The following BANK1 variants were observed in gnomAD, a reference collection of about 807,000 sequenced individuals.
BANK1 encodes B-cell scaffold protein with ankyrin repeats.
Under a neutral mutation model 94.5 loss-of-function variants are expected in BANK1, and 95 were observed. That is an observed-to-expected ratio of 1.00 (90% CI 0.85 to 1.19). The LOEUF (loss-of-function observed/expected upper bound fraction) is 1.19, where lower values mean the gene tolerates loss of function less well. BANK1 is among the 50% of genes most tolerant of loss of function. BANK1 has a pLI of 0.00. For missense variants in BANK1, 987 were observed against 932.2 expected (o/e 1.06, Z -0.77); for synonymous variants, 334 against 308.4 (o/e 1.08, Z -0.87).
chr4:101,880,793 G>A (rs1338188003), intron 5 of BANK1, among the ~76,000 whole-genome samples: 5 of 152,026 alleles, frequency 3.3e-5, no homozygotes, highest in African/African-American at 4.8e-5. Flanking sequence ...ACTCATTTTC[G>A]ACAAAGGTGT....
intron 11 of BANK1, among the ~76,000 whole-genome samples, chr4:102,052,914 A>G (rs1375161088): frequency 6.6e-6 from 1 of 152,226 alleles, no homozygotes; most frequent in African/African-American, 2.4e-5. Context: ...ATTTTAGATG[A>G]GATACCAGAA....
At chr4:101,885,472 C>G (rs1728818554) in intron 5 of BANK1, among the ~76,000 whole-genome samples, 1 of 152,200 alleles carries the variant, frequency 6.6e-6, no homozygotes, top group Non-Finnish European at 1.5e-5. Context: ...CTCTATCTAA[C>G]TGAAGTACTT....
chr4:102,026,250 T>C (rs746248454), intron 9 of BANK1, among the ~76,000 whole-genome samples: 3 of 152,172 alleles, frequency 2.0e-5, no homozygotes, highest in Non-Finnish European at 4.4e-5. Context: ...AACTCCCAGC[T>C]CCAGGCTCAC....
At chr4:102,034,943 TC>T (rs1285562787) in intron 10 of BANK1, among the ~76,000 whole-genome samples, 1 of 152,128 alleles carries the variant, frequency 6.6e-6, no homozygotes, top group Non-Finnish European at 1.5e-5. Context: ...ACCTATAAGA[TC>T]CATGAAGGAA....
At chr4:101,812,687 G>C (rs1725766636) in intron 1 of BANK1, among the ~76,000 whole-genome samples, 1 of 151,810 alleles carries the variant, frequency 6.6e-6, no homozygotes, top group Non-Finnish European at 1.5e-5. Flanking sequence ...TCATTTTTTA[G>C]AGGTTCACAT....
chr4:101,945,345 G>A (rs1330869579), intron 7 of BANK1, among the ~76,000 whole-genome samples: 1 of 151,780 alleles, frequency 6.6e-6, no homozygotes, highest in African/African-American at 2.4e-5. Flanking sequence ...TGTCTTTGGA[G>A]CATGAGGGGC....
intron 7 of BANK1, among the ~76,000 whole-genome samples, chr4:102,009,115 C>G (rs746127641): frequency 6.6e-6 from 1 of 152,170 alleles, no homozygotes; most frequent in Non-Finnish European, 1.5e-5. Flanking sequence ...TGAGAGTAGG[C>G]CTTCTGTTGT....
intron 4 of BANK1, 125 bp downstream of exon 4, chr4:101,862,789 G>A (rs1727929560): frequency 1.0e-6 from 1 of 990,244 alleles, no homozygotes; most frequent in Admixed American, 3.7e-5. Context: ...CCTGTGTTTA[G>A]TTTTCACATA....
chr4:101,971,754 T>C (rs1724962037), intron 7 of BANK1, among the ~76,000 whole-genome samples: 1 of 152,168 alleles, frequency 6.6e-6, no homozygotes, highest in African/African-American at 2.4e-5. Flanking sequence ...TCTTTTCCCA[T>C]TATGTATTCT....
chr4:101,997,115 GT>G (rs1382015419), intron 7 of BANK1, among the ~76,000 whole-genome samples: 1 of 152,000 alleles, frequency 6.6e-6, no homozygotes, highest in Non-Finnish European at 1.5e-5. Context: ...TCAATACCTA[GT>G]TTTTTGAGAG....
chr4:101,919,024 T>G (rs1722917920), intron 7 of BANK1, among the ~76,000 whole-genome samples: 1 of 151,948 alleles, frequency 6.6e-6, no homozygotes, highest in Non-Finnish European at 1.5e-5. Flanking sequence ...GGAAGGATTT[T>G]AGACAGTGAT....
At chr4:101,796,058 T>C (rs1725145486) in intron 1 of BANK1, among the ~76,000 whole-genome samples, 1 of 152,194 alleles carries the variant, frequency 6.6e-6, no homozygotes, top group Admixed American at 6.5e-5. Context: ...CAGTAGAAGA[T>C]TGATGAAAGA....
intron 7 of BANK1, among the ~76,000 whole-genome samples, chr4:102,002,220 G>A (rs1438341358): frequency 6.6e-6 from 1 of 152,136 alleles, no homozygotes; most frequent in South Asian, 2.1e-4. Context: ...TCACACGTAT[G>A]ATCTTATTGG....
intron 7 of BANK1, among the ~76,000 whole-genome samples, chr4:101,948,718 A>G (rs1374496141): frequency 6.6e-6 from 1 of 152,094 alleles, no homozygotes; most frequent in African/African-American, 2.4e-5. Flanking sequence ...AGACCTTTAA[A>G]TTAATCCCTA....
intron 5 of BANK1, among the ~76,000 whole-genome samples, chr4:101,891,649 AG>A (rs1359441652): frequency 1.3e-5 from 2 of 152,078 alleles, no homozygotes; most frequent in Non-Finnish European, 2.9e-5. Context: ...TAGTCTTAAA[AG>A]TGCTTGAAAC....
At chr4:101,827,212 T>C (rs943994779) in intron 1 of BANK1, among the ~76,000 whole-genome samples, 1 of 151,932 alleles carries the variant, frequency 6.6e-6, no homozygotes, top group African/African-American at 2.4e-5. Flanking sequence ...ATGATAGAAT[T>C]ATTTTAGGTA....
chr4:102,061,038 CA>C (rs1313566938), intron 12 of BANK1, among the ~76,000 whole-genome samples: 1 of 152,104 alleles, frequency 6.6e-6, no homozygotes, highest in Non-Finnish European at 1.5e-5. Context: ...TCTTTCACTC[CA>C]AAAATATTTT....
intron 6 of BANK1, among the ~76,000 whole-genome samples, chr4:101,897,267 A>G (rs895496729): frequency 2.6e-5 from 4 of 151,964 alleles, no homozygotes; most frequent in African/African-American, 9.7e-5. Flanking sequence ...TTATGACACA[A>G]TTTTACAAAT....
intron 5 of BANK1, among the ~76,000 whole-genome samples, chr4:101,885,096 T>G (rs959487611): frequency 6.6e-6 from 1 of 152,230 alleles, no homozygotes; most frequent in African/African-American, 2.4e-5. Flanking sequence ...TTTTGTATTC[T>G]TAATAGAGAC....
Sources: gnomAD v4.1 joint callset for allele counts (sites outside exome capture counted in the v4.1 genomes callset) on GRCh38, gnomAD v4.1.1 for gene constraint, MANE v1.5 for transcripts, NCBI Gene and HGNC (gene_info 2026-07-23, HGNC 2026-07-21) for gene names.